COL14A1: variants seen among roughly 807,000 people sequenced by gnomAD.
COL14A1 encodes collagen type XIV alpha 1 chain.
In COL14A1, 136 loss-of-function variants were observed where a neutral mutation model predicts 230.3. The observed-to-expected ratio is 0.59, with a 90% CI of 0.51 to 0.68. COL14A1 has a LOEUF of 0.68. Among genes scored for constraint, COL14A1 ranks in the 30% least tolerant of loss-of-function variants. The probability of loss-of-function intolerance (pLI) is 0.00; values close to 1 mark genes in which losing one functional copy is unlikely to be tolerated. For missense variants in COL14A1, 1,976 were observed against 2,215.8 expected (o/e 0.89, Z 2.17); for synonymous variants, 792 against 784.1 (o/e 1.01, Z -0.17).
At chr8:120,264,214 T>C (rs1819436595) in intron 24 of COL14A1, among the ~76,000 whole-genome samples, 1 of 151,880 alleles carries the variant, frequency 6.6e-6, no homozygotes, top group East Asian at 1.9e-4. Context: ...ATATATCATA[T>C]GTAGTCTTTT....
chr8:120,341,508 T>C lies in COL14A1; in HGVS notation c.4821+148T>C, dbSNP rs1822297577. On this transcript the variant is annotated intron_variant, in intron 43 of 47. Coordinates refer to ENST00000297848, the MANE Select transcript of COL14A1 (RefSeq NM_021110.4). The stretch of plus-strand genomic sequence containing the variant: ...TCTCCCTTTCCCCAATTCATTAGAC[T>C]GTGGCCATATTTTCCAGACATAAAA... The C allele has an allele frequency of 4.5e-6, 4 of 895,158 alleles. No individual in the cohort carries two copies. In the South Asian group the frequency reaches 5.6e-5, roughly 13 times the overall value. 55.5% of individuals were successfully genotyped at this position (895,158 alleles called of 1,614,324 possible).
chr8:120,219,292 C>T (rs527619463), intron 14 of COL14A1, among the ~76,000 whole-genome samples: 30 of 152,124 alleles, frequency 2.0e-4, no homozygotes, highest in African/African-American at 6.5e-4. Context: ...TTTGTACAGA[C>T]GAGGTTTTGC....
intron 19 of COL14A1, among the ~76,000 whole-genome samples, chr8:120,243,323 A>G (rs954433523): frequency 3.3e-5 from 5 of 152,118 alleles, no homozygotes; most frequent in Admixed American, 2.0e-4. Flanking sequence ...AAAAAGCTGC[A>G]CCGTTTTTTA....
intron 40 of COL14A1, among the ~76,000 whole-genome samples, chr8:120,328,510 G>A (rs1300443808): frequency 6.6e-6 from 1 of 152,040 alleles, no homozygotes; most frequent in Non-Finnish European, 1.5e-5. Flanking sequence ...GGGATTACAG[G>A]CATGAGCCAC....
chr8:120,327,943 T>C (rs182504583), intron 40 of COL14A1, among the ~76,000 whole-genome samples: 45 of 151,972 alleles, frequency 3.0e-4, no homozygotes, highest in Non-Finnish European at 5.9e-4. Context: ...TTTTGTATTT[T>C]AGTAGAGACA....
At chr8:120,146,210 C>G (rs962933233) in intron 1 of COL14A1, among the ~76,000 whole-genome samples, 4 of 152,302 alleles carry the variant, frequency 2.6e-5, no homozygotes, top group Middle Eastern at 6.8e-3. Context: ...TCTTTACATA[C>G]AGCAAGGGCT....
At chr8:120,328,560 T>C (rs1442461184) in intron 40 of COL14A1, among the ~76,000 whole-genome samples, 4 of 152,120 alleles carry the variant, frequency 2.6e-5, no homozygotes, top group African/African-American at 7.2e-5. Context: ...TTGATCACAC[T>C]GAAGCACTAG....
At chr8:120,198,295 A>G (rs962689884) in intron 7 of COL14A1, among the ~76,000 whole-genome samples, 2 of 152,174 alleles carry the variant, frequency 1.3e-5, no homozygotes, top group African/African-American at 4.8e-5. Context: ...ATTTTCAAAG[A>G]AGATATTTTC....
chr8:120,321,352 A>G (rs1374644705), intron 40 of COL14A1, among the ~76,000 whole-genome samples: 3 of 152,132 alleles, frequency 2.0e-5, no homozygotes, highest in African/African-American at 4.8e-5. Context: ...CTCTAGAGAT[A>G]CTTCTGGGCC....
chr8:120,192,044 C>T (rs1249297938), intron 5 of COL14A1, among the ~76,000 whole-genome samples: 2 of 151,732 alleles, frequency 1.3e-5, no homozygotes, highest in East Asian at 3.9e-4. Context: ...AGTCCATTTA[C>T]ATTTAAAGTT....
chr8:120,312,029 A>G (rs1339737096), intron 37 of COL14A1, among the ~76,000 whole-genome samples: 1 of 152,110 alleles, frequency 6.6e-6, no homozygotes, highest in Non-Finnish European at 1.5e-5. Flanking sequence ...CCTGGGAGGC[A>G]GAGGCTGCCG....
chr8:120,201,423 G>A (rs1817245297), intron 8 of COL14A1, among the ~76,000 whole-genome samples: 1 of 152,034 alleles, frequency 6.6e-6, no homozygotes, highest in Admixed American at 6.6e-5. Context: ...TTTGGAATAA[G>A]CTACAGTGGG....
chr8:120,228,992 C>T (rs971217266), intron 18 of COL14A1, among the ~76,000 whole-genome samples: 1 of 152,150 alleles, frequency 6.6e-6, no homozygotes, highest in Non-Finnish European at 1.5e-5. Context: ...ATACATCACT[C>T]TACCTCTTTC....
At chr8:120,348,794 G>C (rs1822633878) in intron 45 of COL14A1, among the ~76,000 whole-genome samples, 1 of 152,174 alleles carries the variant, frequency 6.6e-6, no homozygotes, top group Non-Finnish European at 1.5e-5. Context: ...GTGATACACA[G>C]TAAAAAATAC....
chr8:120,309,845 G>A (rs1435257881), intron 36 of COL14A1, among the ~76,000 whole-genome samples, 164 bp from the exon 37 acceptor site: 1 of 152,152 alleles, frequency 6.6e-6, no homozygotes, highest in African/African-American at 2.4e-5. Context: ...CTGGGGCTGG[G>A]TGGTAAATTT....
chr8:120,288,291 T>C (rs941239409), intron 33 of COL14A1, among the ~76,000 whole-genome samples: 1 of 152,136 alleles, frequency 6.6e-6, no homozygotes, highest in Non-Finnish European at 1.5e-5. Flanking sequence ...AATTCCTTTT[T>C]GAAGGAAAAG....
In COL14A1 at chr8:120,261,950, G is replaced by A. The variant is rs972972263; in HGVS notation, c.2870-918G>A. Among the ~76,000 whole-genome samples the A allele has an allele frequency of 5.3e-5, 8 of 152,096 alleles. No individual in the cohort carries two copies. The East Asian group carries it at 1.4e-3, about 26-fold the overall frequency. On this transcript the variant is annotated intron_variant, in intron 23 of 47. Coordinates refer to ENST00000297848, the MANE Select transcript of COL14A1 (RefSeq NM_021110.4). ...TGGGCAGGGTGAGGACTCCTTGGTG[G>A]TCCCAGTGCTGCTGCAAGCTCTTGC...
intron 14 of COL14A1, among the ~76,000 whole-genome samples, chr8:120,217,944 G>A (rs1184241813): frequency 2.2e-5 from 3 of 139,336 alleles, no homozygotes; most frequent in Non-Finnish European, 4.5e-5. Context: ...GCTAACTTAG[G>A]CTATATTATA....
intron 43 of COL14A1, 66 bp downstream of exon 43, chr8:120,341,426 A>T: frequency 2.0e-6 from 3 of 1,492,764 alleles, no homozygotes; most frequent in South Asian, 1.2e-5. Context: ...CATAAGCCTG[A>T]TAAAGGATCA....
Sources: allele counts gnomAD v4.1 joint callset (sites outside exome capture counted in the v4.1 genomes callset), GRCh38; gene constraint gnomAD v4.1.1; transcripts MANE v1.5; gene names NCBI Gene and HGNC (gene_info 2026-07-23, HGNC 2026-07-21).